Variants in ASNS observed in about 807,000 individuals in gnomAD.
The protein encoded by ASNS is asparagine synthetase [glutamine-hydrolyzing].
In ASNS, 37 loss-of-function variants were observed where a neutral mutation model predicts 62.6. The observed-to-expected ratio is 0.59, with a 90% CI of 0.45 to 0.78. The LOEUF (loss-of-function observed/expected upper bound fraction) is 0.78, where lower values mean the gene tolerates loss of function less well. Among genes scored for constraint, ASNS ranks in the 30% least tolerant of loss-of-function variants. The pLI is 0.00. For synonymous variants in ASNS, 207 were observed against 237.9 expected (o/e 0.87, Z 1.19); for missense variants, 520 against 682.4 (o/e 0.76, Z 2.65).
intron 1 of ASNS, chr7:97,870,214 T>G (rs1371867322): frequency 3.0e-6 from 3 of 997,522 alleles, no homozygotes; most frequent in Non-Finnish European, 4.2e-6. Flanking sequence ...GCCTTTCTGT[T>G]CAGTGTCTGA....
chr7:97,903,883 C>A, the ASNS span, among the ~76,000 whole-genome samples: 1 of 152,150 alleles, frequency 6.6e-6, no homozygotes. Context: ...AAGCATTGGT[C>A]GTGTTTTAAT....
intron 1 of ASNS, among the ~76,000 whole-genome samples, chr7:97,870,794 C>T (rs549715565): frequency 9.2e-5 from 14 of 152,262 alleles, no homozygotes; most frequent in African/African-American, 2.2e-4. Context: ...GTCTTCTTAA[C>T]GCTGCTTAGT....
chr7:97,868,883 A>G, intron 3 of ASNS, 25 bp downstream of exon 3: 2 of 1,610,560 alleles, frequency 1.2e-6, no homozygotes, highest in Non-Finnish European at 8.5e-7. Flanking sequence ...AATCGCATCC[A>G]GACATCTGGT....
the ASNS span, among the ~76,000 whole-genome samples, chr7:97,912,591 T>TTTTTTTTTTTTTTTTC: frequency 3.8e-5 from 3 of 79,378 alleles, 1 homozygote; most frequent in African/African-American, 1.6e-4. Context: ...TTTTTTTTTT[T>TTTTTTTTTTTTTTTTC]TTCTGTTTTC....
the ASNS span, among the ~76,000 whole-genome samples, chr7:97,879,869 A>G: frequency 6.6e-6 from 1 of 152,190 alleles, no homozygotes; most frequent in Non-Finnish European, 1.5e-5. Flanking sequence ...CATCATGTAC[A>G]TTACTGAGCG....
chr7:97,880,316 G>T, the ASNS span, among the ~76,000 whole-genome samples: 1 of 152,078 alleles, frequency 6.6e-6, no homozygotes, highest in Admixed American at 6.5e-5. Context: ...TAGAGACGGG[G>T]TTTACTCATG....
upstream of ASNS, among the ~76,000 whole-genome samples, chr7:97,876,149 A>G (rs28736825): frequency 0.82 from 124,342 of 151,994 alleles, 51,539 homozygotes; most frequent in African/African-American, 0.94. Flanking sequence ...GAGCCGCCGC[A>G]CCCGGCCTTG....
intron 4 of ASNS, among the ~76,000 whole-genome samples, chr7:97,862,016 T>A (rs1791747341): frequency 6.6e-6 from 1 of 152,234 alleles, no homozygotes; most frequent in Non-Finnish European, 1.5e-5. Flanking sequence ...GATTTTTGTA[T>A]ATTCATCTTG....
At chr7:97,884,421 C>T in the ASNS span, among the ~76,000 whole-genome samples, 3 of 152,066 alleles carry the variant, frequency 2.0e-5, no homozygotes, top group Non-Finnish European at 4.4e-5. Context: ...TGGTGGATGG[C>T]ACCTGTAATC....
At chr7:97,879,798 C>T in the ASNS span, among the ~76,000 whole-genome samples, 1 of 152,188 alleles carries the variant, frequency 6.6e-6, no homozygotes, top group African/African-American at 2.4e-5. Flanking sequence ...CTGTCTCAAG[C>T]CACAAAGTTT....
rs1791280946 is a variant in ASNS at position 97,853,367 on chromosome 7, A to G, written c.1258T>C (p.Phe420Leu). 2.5e-6 allele frequency: 4 copies of G among 1,612,604 alleles called. No individual in the cohort carries two copies. Among genetic ancestry groups the G allele is most frequent in the Non-Finnish European group, 3.4e-6 (4 of 1,179,834 alleles). Residue 420 changes from phenylalanine to leucine, a missense_variant, in exon 11 of 13, where the codon TTT becomes CTT. Physicochemically the swap from Phe to Leu is conservative, Grantham distance 22. Coordinates refer to ENST00000394308, the MANE Select transcript of ASNS (RefSeq NM_001673.5). ...TAGGAAGAAAATCGATGATCTAGAA[A>G]TGGGACTCTCAGTTCAAGACTTAAA... ...AAHGLELRVPFLDHRFSSYYL... is the reference protein window; with the variant it reads ...AAHGLELRVPLLDHRFSSYYL...
the ASNS span, among the ~76,000 whole-genome samples, chr7:97,902,094 A>G: frequency 6.6e-6 from 1 of 152,214 alleles, no homozygotes; most frequent in Admixed American, 6.5e-5. Context: ...AGCAAAGTCC[A>G]TTTGGAAAGC....
At chr7:97,900,464 C>T in the ASNS span, among the ~76,000 whole-genome samples, 4 of 151,768 alleles carry the variant, frequency 2.6e-5, no homozygotes, top group Admixed American at 2.6e-4. Context: ...AATGGTGTAG[C>T]CACTGTGAGA....
the ASNS span, among the ~76,000 whole-genome samples, chr7:97,882,121 G>A: frequency 6.6e-6 from 1 of 151,980 alleles, no homozygotes; most frequent in Non-Finnish European, 1.5e-5. Context: ...CAAAGTACTG[G>A]GATTACAGGC....
chr7:97,856,627 A>T (rs1584461024), intron 8 of ASNS, 63 bp downstream of exon 8: 26 of 1,382,490 alleles, frequency 1.9e-5, no homozygotes, highest in East Asian at 7.4e-5. Flanking sequence ...TAATTTTTTT[A>T]AACCTTACAT....
the ASNS span, among the ~76,000 whole-genome samples, chr7:97,895,082 CA>C: frequency 6.6e-6 from 1 of 152,248 alleles, no homozygotes; most frequent in South Asian, 2.1e-4. Flanking sequence ...CAAATCAATA[CA>C]TGTGATACAT....
At chr7:97,877,795 A>G in the ASNS span, among the ~76,000 whole-genome samples, 3 of 152,152 alleles carry the variant, frequency 2.0e-5, no homozygotes, top group Admixed American at 6.5e-5. Flanking sequence ...CTTTGGATGA[A>G]CTCAAAGTCA....
intron 9 of ASNS, chr7:97,855,090 A>C: frequency 2.6e-6 from 1 of 388,650 alleles, no homozygotes. Context: ...TGATCCTCCC[A>C]CCTCAGCCTC....
At chr7:97,885,196 A>G in the ASNS span, among the ~76,000 whole-genome samples, 1 of 152,256 alleles carries the variant, frequency 6.6e-6, no homozygotes, top group Non-Finnish European at 1.5e-5. Context: ...CTCATAGTTC[A>G]TCCGTGTTGT....
Sources: allele counts gnomAD v4.1 joint callset (sites outside exome capture counted in the v4.1 genomes callset), GRCh38; gene constraint gnomAD v4.1.1; transcripts MANE v1.5; gene names NCBI Gene and HGNC (gene_info 2026-07-23, HGNC 2026-07-21).